CDKAL1: variants seen among roughly 807,000 people sequenced by gnomAD.
CDKAL1 encodes threonylcarbamoyladenosine tRNA methylthiotransferase.
Under a neutral mutation model 68.2 loss-of-function variants are expected in CDKAL1, and 32 were observed. The ratio of observed to expected loss-of-function variants is 0.47; its 90% CI spans 0.35 to 0.63. The LOEUF is 0.63. Ranked by LOEUF, CDKAL1 falls within the 30% of genes least tolerant of loss-of-function variation. The pLI is 0.00. For synonymous variants in CDKAL1, 234 were observed against 244.3 expected (o/e 0.96, Z 0.39); for missense variants, 606 against 696.7 (o/e 0.87, Z 1.47).
chr6:21,081,692 C>T (rs982208100), intron 12 of CDKAL1, among the ~76,000 whole-genome samples: 9 of 151,750 alleles, frequency 5.9e-5, no homozygotes, highest in Admixed American at 3.9e-4. Context: ...CTGCCTCAGC[C>T]TCCCAAGTAG....
chr6:20,714,228 A>G (rs565564971), intron 5 of CDKAL1, among the ~76,000 whole-genome samples: 1 of 151,956 alleles, frequency 6.6e-6, no homozygotes, highest in East Asian at 1.9e-4. Flanking sequence ...GATCCAGAAG[A>G]TAATAGTCTA....
chr6:20,915,697 G>A (rs1398736769), intron 9 of CDKAL1, among the ~76,000 whole-genome samples: 1 of 152,014 alleles, frequency 6.6e-6, no homozygotes, highest in Non-Finnish European at 1.5e-5. Flanking sequence ...TCTTACTCCT[G>A]GATATTTACA....
rs376632950 is a variant in CDKAL1, at chr6:20,562,635, G to A, written c.286+13930G>A. Among the ~76,000 whole-genome samples, 23 of 151,982 alleles carry A rather than the reference G, an allele frequency of 1.5e-4. No individual in the cohort carries two copies. The East Asian group carries it at 4.3e-3, about 28-fold the overall frequency. ...TGGGCGCCTGTAATCCCAGCTACTC[G>A]GGAGGCTGAGGCAGAAGAATTGCTT... On this transcript the variant is annotated intron_variant, in intron 4 of 15. Coordinates refer to ENST00000274695, the MANE Select transcript of CDKAL1 (RefSeq NM_017774.3).
intron 12 of CDKAL1, among the ~76,000 whole-genome samples, chr6:21,074,953 T>G (rs1237028202): frequency 1.3e-5 from 2 of 152,082 alleles, no homozygotes; most frequent in Non-Finnish European, 2.9e-5. Context: ...TGTTTTTTTT[T>G]TAATCCTTCA....
intron 9 of CDKAL1, among the ~76,000 whole-genome samples, chr6:20,895,896 G>A (rs570752387): frequency 6.6e-6 from 1 of 151,990 alleles, no homozygotes; most frequent in East Asian, 1.9e-4. Context: ...TGGCCCTTTT[G>A]ATAAATATCT....
intron 6 of CDKAL1, among the ~76,000 whole-genome samples, chr6:20,742,563 G>T (rs1448227006): frequency 6.6e-6 from 1 of 151,402 alleles, no homozygotes. Context: ...TTTAAGTGTG[G>T]CATTAGTGTT....
chr6:20,537,134 T>G (rs1252696323), intron 2 of CDKAL1, among the ~76,000 whole-genome samples: 3 of 152,094 alleles, frequency 2.0e-5, no homozygotes, highest in African/African-American at 7.2e-5. Flanking sequence ...TAGTTGGGAA[T>G]TTTCAAAAGC....
chr6:20,979,656 G>A (rs995657945), intron 10 of CDKAL1, among the ~76,000 whole-genome samples: 2 of 152,064 alleles, frequency 1.3e-5, no homozygotes, highest in African/African-American at 4.8e-5. Flanking sequence ...AGCGGAGTGC[G>A]GCCGACGAAG....
At chr6:20,648,124 G>A (rs1184124225) in intron 4 of CDKAL1, among the ~76,000 whole-genome samples, 2 of 150,550 alleles carry the variant, frequency 1.3e-5, no homozygotes, top group African/African-American at 4.9e-5. Context: ...AAAATACTGG[G>A]GGAATTTTTT....
At chr6:20,940,823 G>A (rs2150695543) in intron 9 of CDKAL1, among the ~76,000 whole-genome samples, 1 of 152,318 alleles carries the variant, frequency 6.6e-6, no homozygotes. Context: ...AGGCACTGTG[G>A]CTCACGCCTG....
chr6:20,676,695 AAAT>A lies in CDKAL1; in HGVS notation c.371+27321_371+27323del, dbSNP rs370455483. Among the ~76,000 whole-genome samples, 351 of 113,768 alleles carry A rather than the reference AAAT, an allele frequency of 3.1e-3. 1 individual carries two copies. Among genetic ancestry groups the A allele is most frequent in the African/African-American group, 0.018 (318 of 17,698 alleles). 74.6% of individuals were successfully genotyped at this position (113,768 alleles called of 152,430 possible). A position where few individuals can be genotyped will look rare whatever the true frequency, so the allele number is the denominator to read the frequency against. ...TAAATAAATAAATAAATAAATAAAT[AAAT>A]AAATAAAATAAAATAAAATAAAAAA... is the stretch of plus-strand genomic sequence containing the variant. On this transcript the variant is annotated intron_variant, in intron 5 of 15. Coordinates refer to ENST00000274695, the MANE Select transcript of CDKAL1 (RefSeq NM_017774.3).
Position 21,107,138 on chromosome 6 carries a change from G to A in CDKAL1, c.1237-1263G>A, listed in dbSNP as rs541676304. Among the ~76,000 whole-genome samples the A allele has an allele frequency of 1.3e-3, 202 of 152,092 alleles. 3 individuals are homozygous for A. Among genetic ancestry groups the A allele is most frequent in the African/African-American group, 4.6e-3 (189 of 41,494 alleles). ...AATTTTTTGTGTTTTTAGTAGAGAC[G>A]GGGTTTTACCGTGTTAGCCAGGATG... is the stretch of plus-strand genomic sequence containing the variant. On this transcript the variant is annotated intron_variant, in intron 12 of 15. Coordinates refer to ENST00000274695, the MANE Select transcript of CDKAL1 (RefSeq NM_017774.3).
intron 9 of CDKAL1, among the ~76,000 whole-genome samples, chr6:20,937,007 A>C (rs1047354593): frequency 2.1e-4 from 32 of 152,180 alleles, no homozygotes; most frequent in African/African-American, 7.7e-4. Context: ...CTTTTATTGT[A>C]TAAAAATCCC....
chr6:21,065,377 G>A (rs549381225), intron 12 of CDKAL1, 149 bp downstream of exon 12: 1 of 610,658 alleles, frequency 1.6e-6, no homozygotes, highest in South Asian at 2.3e-5. Context: ...GGGCCAGGGG[G>A]CCGTGGATGA....
chr6:20,701,921 C>T (rs1459416022), intron 5 of CDKAL1, among the ~76,000 whole-genome samples: 3 of 152,144 alleles, frequency 2.0e-5, no homozygotes, highest in Non-Finnish European at 4.4e-5. Flanking sequence ...AAGGTCTGGG[C>T]AGATTGAGAG....
At chr6:20,965,139 G>A (rs981226481) in intron 10 of CDKAL1, among the ~76,000 whole-genome samples, 1 of 152,032 alleles carries the variant, frequency 6.6e-6, no homozygotes, top group Non-Finnish European at 1.5e-5. Context: ...AGTGAGATCC[G>A]TCTCTGCAAA....
intron 15 of CDKAL1, among the ~76,000 whole-genome samples, chr6:21,229,575 A>G (rs1779877037): frequency 6.6e-6 from 1 of 152,206 alleles, no homozygotes; most frequent in Non-Finnish European, 1.5e-5. Context: ...AAGACTGAGC[A>G]AAGTACCATG....
intron 5 of CDKAL1, among the ~76,000 whole-genome samples, chr6:20,661,620 A>C (rs1413284325): frequency 6.6e-6 from 1 of 152,118 alleles, no homozygotes; most frequent in Non-Finnish European, 1.5e-5. Flanking sequence ...ATGAAACTGT[A>C]AACTTACAGT....
chr6:21,173,101 T>C (rs1471877457), intron 13 of CDKAL1, among the ~76,000 whole-genome samples: 1 of 147,902 alleles, frequency 6.8e-6, no homozygotes, highest in Non-Finnish European at 1.5e-5. Context: ...TTTGTGAGGT[T>C]TTTCCTCCTT....
Sources: allele counts gnomAD v4.1 joint callset (sites outside exome capture counted in the v4.1 genomes callset), GRCh38; gene constraint gnomAD v4.1.1; transcripts MANE v1.5; gene names NCBI Gene and HGNC (gene_info 2026-07-23, HGNC 2026-07-21).